The following ZNF655 variants were observed in gnomAD, a reference collection of about 807,000 sequenced individuals.
The protein encoded by ZNF655 is zinc finger protein 655.
In ZNF655, 3 loss-of-function variants were observed where a neutral mutation model predicts 6.6. The ratio of observed to expected loss-of-function variants is 0.46; its 90% CI spans 0.21 to 1.18. ZNF655 has a LOEUF of 1.18. Among genes scored for constraint, ZNF655 ranks in the 50% most tolerant of loss-of-function variants. The pLI is 0.24. For synonymous variants in ZNF655, 178 were observed against 195.0 expected (o/e 0.91, Z 0.73); for missense variants, 526 against 572.3 (o/e 0.92, Z 0.83).
intron 2 of ZNF655, among the ~76,000 whole-genome samples, chr7:99,568,163 T>A (rs911304037): frequency 1.3e-5 from 2 of 152,106 alleles, no homozygotes; most frequent in Non-Finnish European, 2.9e-5. Flanking sequence ...CCAGATTTTT[T>A]AATACAAATA....
chr7:99,569,373 G>A (rs373297390), intron 2 of ZNF655, among the ~76,000 whole-genome samples: 2 of 152,110 alleles, frequency 1.3e-5, no homozygotes, highest in East Asian at 1.9e-4. Flanking sequence ...AAACTTACAC[G>A]TTCTTTCTGT....
intron 2 of ZNF655, among the ~76,000 whole-genome samples, chr7:99,561,346 A>T (rs564554011): frequency 6.6e-6 from 1 of 152,284 alleles, no homozygotes; most frequent in South Asian, 2.1e-4. Context: ...CTTGTGTGTC[A>T]CCCACACAGA....
Position 99,572,308 on chromosome 7 carries a change from A to C in ZNF655, c.200A>C (p.His67Pro). Residue 67 changes from histidine to proline, a missense_variant, in exon 3 of 3, where the codon CAT becomes CCT. Transcript: ENST00000252713. Reference sequence around the variant, plus strand: ...AAGCAGAAAATTTCGGAAGAAGTGCATTCATACAAAGTGAGAGTAGGAAGA... The same window carrying C: ...AAGCAGAAAATTTCGGAAGAAGTGCCTTCATACAAAGTGAGAGTAGGAAGA... The part of the protein sequence containing the change: ...IPKQKISEEV[H>P]SYKVRVGRLK... The C allele has an allele frequency of 6.2e-7, 1 of 1,613,230 alleles. No homozygotes were observed. The highest frequency in any genetic ancestry group is 8.5e-7 in the Non-Finnish European group (1 of 1,179,822).
chr7:99,572,759 T>C lies in ZNF655; in HGVS notation c.651T>C (p.Cys217=), dbSNP rs762622096. ...AGAAATCCTATAAATGTGATGTATG[T>C]GGGAAAATTTTCCATCAGAGCTCAG... ...NTEKSYKCDV[C]GKIFHQSSAL... Residue 217 remains cysteine, a synonymous_variant, in exon 3 of 3, where the codon TGT becomes TGC. Coordinates refer to ENST00000252713, the MANE Select transcript of ZNF655 (RefSeq NM_138494.3). 9 of 1,613,070 alleles carry C rather than the reference T, an allele frequency of 5.6e-6. No homozygotes were observed. The African/African-American group carries it at 9.3e-5, about 17-fold the overall frequency.
In ZNF655 at chr7:99,573,379, T is replaced by C. The variant is rs532394403; in HGVS notation, c.1271T>C (p.Ile424Thr). The C allele has an allele frequency of 8.7e-6, 14 of 1,614,176 alleles. No homozygotes were observed. In the African/African-American group the frequency reaches 1.7e-4, roughly 20 times the overall value. The change falls in exon 3 of 3, where the codon ATT becomes ACT. Residue 424 changes from isoleucine to threonine, a missense_variant. Coordinates refer to ENST00000252713, the MANE Select transcript of ZNF655 (RefSeq NM_138494.3). ...GKAFSQTSCLIQHHKMHRKEK... is the reference protein window; with the variant it reads ...GKAFSQTSCLTQHHKMHRKEK... The stretch of plus-strand genomic sequence containing the variant: ...GCTTTCAGTCAAACCTCATGCCTTA[T>C]TCAGCATCACAAAATGCATAGGAAA...
At chr7:99,564,212 A>G in intron 2 of ZNF655, 1 of 1,366,636 alleles carries the variant, frequency 7.3e-7, no homozygotes, top group South Asian at 1.9e-5. Flanking sequence ...CAGTTCATTC[A>G]GAAACCATGG....
chr7:99,573,545 A>C lies in ZNF655; in HGVS notation c.1437A>C (p.Leu479=). 6.2e-7 allele frequency: 1 copy of C among 1,607,852 alleles called. No individual in the cohort carries two copies. The highest frequency in any genetic ancestry group is 1.3e-5 in the African/African-American group (1 of 75,050). Residue 479 remains leucine, a synonymous_variant, in exon 3 of 3, where the codon CTA becomes CTC. Coordinates refer to ENST00000252713, the MANE Select transcript of ZNF655 (RefSeq NM_138494.3). ...AGAACTCCAGTCAGAGAGCACATCT[A>C]GTTCAACATCAGAGCATTCATACCA... The part of the protein sequence containing the change: ...WEKNSSQRAH[L]VQHQSIHTKE...
intron 2 of ZNF655, chr7:99,564,505 G>A: frequency 1.0e-6 from 1 of 986,504 alleles, no homozygotes; most frequent in Middle Eastern, 5.2e-4. Flanking sequence ...ACAGATTGAT[G>A]CAATTATATT....
chr7:99,562,746 TTTTAGCAAAGGGA>T, intron 2 of ZNF655, among the ~76,000 whole-genome samples: 1 of 152,268 alleles, frequency 6.6e-6, no homozygotes, highest in East Asian at 1.9e-4. Flanking sequence ...ATCTTTTCCC[TTTTAGCAAAGGGA>T]AACTTTCTTG....
At chr7:99,560,108 G>A (rs1449411878) in intron 1 of ZNF655, among the ~76,000 whole-genome samples, 6 of 144,664 alleles carry the variant, frequency 4.1e-5, no homozygotes, top group Non-Finnish European at 6.0e-5. Context: ...TTTTTGGGAC[G>A]GAGTCTCACT....
intron 1 of ZNF655, among the ~76,000 whole-genome samples, chr7:99,559,921 C>T (rs778782821): frequency 5.0e-4 from 76 of 151,620 alleles, no homozygotes; most frequent in Non-Finnish European, 9.6e-4. Context: ...AGCCACCGCA[C>T]GTGGCCAATT....
chr7:99,565,718 G>A (rs1021196819), intron 2 of ZNF655, among the ~76,000 whole-genome samples: 2 of 152,188 alleles, frequency 1.3e-5, no homozygotes, highest in African/African-American at 2.4e-5. Flanking sequence ...AAAGGGGACC[G>A]AGTTGCTTTT....
At position 99,573,977 on chromosome 7, in the gene ZNF655, C is replaced by G. The variant is rs183237672; in HGVS notation, c.*393C>G. On this transcript the variant is annotated 3_prime_UTR_variant, in exon 3 of 3. Coordinates refer to ENST00000252713, the MANE Select transcript of ZNF655 (RefSeq NM_138494.3). ...AAACTACCTTGTTTAGTATCAAATT[C>G]ACGCCATGCAAAAAGATTATAAATG... The G allele has an allele frequency of 5.2e-6, 1 of 193,106 alleles. No individual in the cohort carries two copies. The highest frequency in any genetic ancestry group is 2.4e-5 in the African/African-American group (1 of 42,314). 12.0% of individuals were successfully genotyped at this position (193,106 alleles called of 1,614,324 possible). A position where few individuals can be genotyped will look rare whatever the true frequency, so the allele number is the denominator to read the frequency against.
intron 2 of ZNF655, among the ~76,000 whole-genome samples, chr7:99,572,042 C>G (rs544208190): frequency 6.6e-6 from 1 of 152,292 alleles, no homozygotes; most frequent in Admixed American, 6.5e-5. Flanking sequence ...CCTTACTCTG[C>G]TGAACATGTC....
chr7:99,575,560 CAAA>C lies in ZNF655; in HGVS notation c.*1980_*1982del, dbSNP rs1345505311. 9.7e-5 allele frequency: 14 copies of C among 144,904 alleles called. No individual in the cohort carries two copies. Among genetic ancestry groups the C allele is most frequent in the Admixed American group, 8.8e-4 (13 of 14,772 alleles). 9.0% of individuals were successfully genotyped at this position (144,904 alleles called of 1,614,324 possible). On this transcript the variant is annotated 3_prime_UTR_variant, in exon 3 of 3. Coordinates refer to ENST00000252713, the MANE Select transcript of ZNF655 (RefSeq NM_138494.3). Reference sequence around the variant, plus strand: ...TCAAAAAAACACAAAAAAACAAAAACAAAAAACCATACACACACACACACACAC... The same window carrying C: ...TCAAAAAAACACAAAAAAACAAAAACAAACCATACACACACACACACACAC...
At chr7:99,571,650 G>T in intron 2 of ZNF655, 1 of 1,486,252 alleles carries the variant, frequency 6.7e-7, no homozygotes, top group Non-Finnish European at 9.3e-7. Context: ...AGGACCTGGG[G>T]ATACATTGCC....
Position 99,573,829 on chromosome 7 carries a change from A to G in ZNF655, c.*245A>G, listed in dbSNP as rs1804253500. 2 of 457,098 alleles carry G rather than the reference A, an allele frequency of 4.4e-6. No individual in the cohort carries two copies. The highest frequency in any genetic ancestry group is 4.0e-5 in the African/African-American group (2 of 50,606). 28.3% of individuals were successfully genotyped at this position (457,098 alleles called of 1,614,324 possible). The stretch of plus-strand genomic sequence containing the variant: ...TCTATACCAGTGAGAAATCTTACAA[A>G]TGTATTGAATGTGGCAAATTTTTCA... On this transcript the variant is annotated 3_prime_UTR_variant, in exon 3 of 3. Coordinates refer to ENST00000252713, the MANE Select transcript of ZNF655 (RefSeq NM_138494.3).
In ZNF655 at chr7:99,560,570, T is replaced by TA; in HGVS notation, c.12dup (p.Pro5ThrfsTer21). The TA allele has an allele frequency of 6.2e-7, 1 of 1,614,094 alleles. No individual in the cohort carries two copies. The highest frequency in any genetic ancestry group is 8.5e-7 in the Non-Finnish European group (1 of 1,179,962). The stretch of plus-strand genomic sequence containing the variant: ...TCCTCCAGAGCAGTGATGGAGGAAA[T>TA]ACCAGCCCAGGAAGCAGCAGGGTCA... On this transcript the variant is annotated frameshift_variant, in exon 2 of 3. Transcript: ENST00000252713. LOFTEE classifies it high-confidence loss of function.
chr7:99,562,288 C>G, intron 2 of ZNF655: 1 of 1,566,776 alleles, frequency 6.4e-7, no homozygotes. Context: ...ACAGTGGATA[C>G]CCTCTCTATG....
Sources: allele counts gnomAD v4.1 joint callset (sites outside exome capture counted in the v4.1 genomes callset), GRCh38; gene constraint gnomAD v4.1.1; transcripts MANE v1.5; gene names NCBI Gene and HGNC (gene_info 2026-07-23, HGNC 2026-07-21).